Variants in CBX7 observed in about 807,000 individuals in gnomAD.
The protein encoded by CBX7 is chromobox protein homolog 7.
Under a neutral mutation model 31.4 loss-of-function variants are expected in CBX7, and 14 were observed. That is an observed-to-expected ratio of 0.45 (90% CI 0.29 to 0.70). CBX7 has a LOEUF of 0.70. Among genes scored for constraint, CBX7 ranks in the 30% least tolerant of loss-of-function variants. CBX7 has a pLI of 0.11. For synonymous variants in CBX7, 159 were observed against 152.6 expected, an observed-to-expected ratio of 1.04 and a Z score of -0.31; for missense variants, 269 against 351.9, an observed-to-expected ratio of 0.76 and a Z score of 1.89.
In CBX7 at chr22:39,134,460, G is replaced by T. The variant is rs766946063; in HGVS notation, c.539C>A (p.Pro180Gln). 1.2e-6 allele frequency: 2 copies of T among 1,607,854 alleles called. No individual in the cohort carries two copies. The highest frequency in any genetic ancestry group is 1.7e-4 in the Middle Eastern group (1 of 5,976). Reference sequence around the variant, plus strand: ...CTCGCCAGCCGCCTGCAGGACGTCTGGGGCCGGTGGCTCCTGCAGGAAGAG... The same window carrying T: ...CTCGCCAGCCGCCTGCAGGACGTCTTGGGCCGGTGGCTCCTGCAGGAAGAG... Reference protein sequence around the residue: ...RELFLQEPPAPDVLQAAGEWE... With the variant: ...RELFLQEPPAQDVLQAAGEWE... The change falls in exon 5 of 6, where the codon CCA becomes CAA. Residue 180 changes from proline (P) to glutamine (Q), a missense_variant. Physicochemically the swap from Pro to Gln is moderately conservative, Grantham distance 76 (BLOSUM62 -1). Around this residue, in one of 2 missense-constraint regions of CBX7, gnomAD observed 222 missense variants for 240.4 expected, o/e 0.92. Coordinates refer to ENST00000216133, the MANE Select transcript of CBX7 (RefSeq NM_175709.5).
chr22:39,136,426 GCT>G (rs905554912), intron 4 of CBX7: 1 of 152,738 alleles, frequency 6.5e-6, no homozygotes, highest in Non-Finnish European at 1.5e-5. Context: ...CTTCTTCCCT[GCT>G]CTCTCTCTCA....
At chr22:39,145,451 G>A (rs1388119532) in intron 2 of CBX7, among the ~76,000 whole-genome samples, 2 of 152,142 alleles carry the variant, frequency 1.3e-5, no homozygotes, top group African/African-American at 4.8e-5. Context: ...GAGGAAAGCG[G>A]GCTCCCGCAA....
intron 2 of CBX7, chr22:39,147,779 C>T (rs1470705686): frequency 6.6e-6 from 1 of 152,224 alleles, no homozygotes; most frequent in Non-Finnish European, 1.5e-5. Flanking sequence ...GCCTCAGTTT[C>T]CCCATCTGAA....
intron 4 of CBX7, among the ~76,000 whole-genome samples, chr22:39,138,080 C>T (rs1601557893): frequency 6.6e-6 from 1 of 150,854 alleles, no homozygotes; most frequent in Admixed American, 6.6e-5. Flanking sequence ...ACTGGGGAGG[C>T]TGAGGCAGGA....
Position 39,134,904 on chromosome 22 carries a change from C to A in CBX7, c.247-152G>T, listed in dbSNP as rs1356114857. ...TGCCACGGCTGGCCATCACCCCACC[C>A]CACCCCAGCCCAGAGAGTGCGCCCC... On this transcript the variant is annotated intron_variant, in intron 4 of 5. Transcript: ENST00000216133. The A allele has an allele frequency of 4.9e-6, 3 of 612,596 alleles. No homozygotes were observed. The African/African-American group carries it at 5.6e-5, about 11-fold the overall frequency. 37.9% of individuals were successfully genotyped at this position (612,596 alleles called of 1,614,324 possible). A position where few individuals can be genotyped will look rare whatever the true frequency, so the allele number is the denominator to read the frequency against.
intron 1 of CBX7, among the ~76,000 whole-genome samples, chr22:39,151,702 A>C (rs763755070): frequency 1.3e-5 from 2 of 152,192 alleles, no homozygotes; most frequent in Non-Finnish European, 2.9e-5. Context: ...CTAGCCCCAA[A>C]GTGTGGGGTT....
Position 39,134,762 on chromosome 22 carries a change from C to T in CBX7, c.247-10G>A. ...CCATGCTGTACAGCCGCTGCGGGGG[C>T]AAGCCAGGGCAGCGCGGGTCAGCCC... On this transcript the variant is annotated splice_polypyrimidine_tract_variant and intron_variant, in intron 4 of 5. Coordinates refer to ENST00000216133, the MANE Select transcript of CBX7 (RefSeq NM_175709.5). The T allele has an allele frequency of 1.4e-6, 2 of 1,480,818 alleles. No individual in the cohort carries two copies. The highest frequency in any genetic ancestry group is 1.8e-6 in the Non-Finnish European group (2 of 1,105,644). 91.7% of individuals were successfully genotyped at this position (1,480,818 alleles called of 1,614,324 possible). A position where few individuals can be genotyped will look rare whatever the true frequency, so the allele number is the denominator to read the frequency against.
At chr22:39,134,327 A>G in intron 5 of CBX7, 74 bp downstream of exon 5, 2 of 1,287,340 alleles carry the variant, frequency 1.6e-6, no homozygotes, top group Non-Finnish European at 2.1e-6. Flanking sequence ...CTCTTTGGAC[A>G]TTGAACCAGC....
At chr22:39,150,685 G>A (rs760941958) in intron 1 of CBX7, among the ~76,000 whole-genome samples, 1 of 152,154 alleles carries the variant, frequency 6.6e-6, no homozygotes. Flanking sequence ...CAGGAGGATC[G>A]TTTGAGCCGG....
intron 5 of CBX7, 114 bp downstream of exon 5, chr22:39,134,287 C>T: frequency 2.0e-6 from 2 of 987,400 alleles, no homozygotes; most frequent in South Asian, 1.7e-5. Context: ...TGAGCCCAGA[C>T]CCGACTGGCC....
chr22:39,134,273 G>A, intron 5 of CBX7, 128 bp downstream of exon 5: 2 of 915,064 alleles, frequency 2.2e-6, no homozygotes, highest in South Asian at 3.5e-5. Flanking sequence ...CTAGTGTTGG[G>A]CCCTGAGCCC....
At chr22:39,143,108 G>T (rs1394107379) in intron 2 of CBX7, among the ~76,000 whole-genome samples, 2 of 151,998 alleles carry the variant, frequency 1.3e-5, no homozygotes, top group Non-Finnish European at 2.9e-5. Flanking sequence ...ACAAAAATTA[G>T]CCAGACATGC....
At chr22:39,141,348 C>G in intron 3 of CBX7, 23 bp downstream of exon 3, 2 of 1,602,418 alleles carry the variant, frequency 1.2e-6, no homozygotes, top group Middle Eastern at 1.7e-4. Flanking sequence ...AAGCCCCACC[C>G]GGCGGTGCCG....
intron 3 of CBX7, chr22:39,141,065 C>T: frequency 2.9e-6 from 1 of 349,016 alleles, no homozygotes; most frequent in Non-Finnish European, 5.3e-6. Context: ...CTCTTACGGC[C>T]CCTCTGAGGT....
intron 4 of CBX7, chr22:39,135,148 C>A: frequency 5.6e-6 from 1 of 178,620 alleles, no homozygotes; most frequent in Non-Finnish European, 1.2e-5. Context: ...ACACTGCCAG[C>A]TCACCCGGGA....
intron 2 of CBX7, 58 bp downstream of exon 2, chr22:39,149,731 G>A: frequency 1.3e-6 from 2 of 1,497,980 alleles, no homozygotes; most frequent in South Asian, 1.1e-5. Flanking sequence ...AAAGGCAGGT[G>A]GAGGAATGCA....
intron 4 of CBX7, chr22:39,136,059 C>A (rs1930241588): frequency 6.7e-6 from 1 of 148,964 alleles, no homozygotes; most frequent in Non-Finnish European, 1.5e-5. Flanking sequence ...CACTGTATTC[C>A]AGCCTGGGCG....
At position 39,133,392 on chromosome 22, in the gene CBX7, C is replaced by T. The variant is rs1338231682; in HGVS notation, c.*499G>A. 1 of 152,488 alleles carries T rather than the reference C, an allele frequency of 6.6e-6. No individual in the cohort carries two copies. The highest frequency in any genetic ancestry group is 1.5e-5 in the Non-Finnish European group (1 of 68,286). The allele number at this position is 152,488 out of a possible 1,614,324, so 9.4% of individuals were successfully genotyped here. ...GCCCCAAGTAACCTCAACCCTTCCT[C>T]CTGCCCCTTCCTCCCGCCCCACTCA... On this transcript the variant is annotated 3_prime_UTR_variant, in exon 6 of 6. Coordinates refer to ENST00000216133, the MANE Select transcript of CBX7 (RefSeq NM_175709.5).
At chr22:39,138,264 G>A (rs1165359861) in intron 4 of CBX7, among the ~76,000 whole-genome samples, 1 of 151,356 alleles carries the variant, frequency 6.6e-6, no homozygotes, top group Non-Finnish European at 1.5e-5. Flanking sequence ...TCAAGTTTAT[G>A]TTTCTGAGAT....
Sources: allele counts gnomAD v4.1 joint callset (sites outside exome capture counted in the v4.1 genomes callset), GRCh38; gene constraint gnomAD v4.1.1; regional missense constraint gnomAD v4.1.1; transcripts MANE v1.5; gene names NCBI Gene and HGNC (gene_info 2026-07-23, HGNC 2026-07-21).